Variants in SNTG1 observed in about 807,000 individuals in gnomAD.
The protein encoded by SNTG1 is gamma-1-syntrophin.
In SNTG1, 39 loss-of-function variants were observed where a neutral mutation model predicts 74.7. The ratio of observed to expected loss-of-function variants is 0.52; its 90% CI spans 0.40 to 0.68. The LOEUF is 0.68. Ranked by LOEUF, SNTG1 falls within the 30% of genes least tolerant of loss-of-function variation. The pLI is 0.00. For synonymous variants in SNTG1, 254 were observed against 217.1 expected, an observed-to-expected ratio of 1.17 and a Z score of -1.49; for missense variants, 685 against 609.5, an observed-to-expected ratio of 1.12 and a Z score of -1.30.
At chr8:50,780,836 C>T (rs928496091) in intron 18 of SNTG1, among the ~76,000 whole-genome samples, 2 of 152,132 alleles carry the variant, frequency 1.3e-5, no homozygotes, top group East Asian at 1.9e-4. Flanking sequence ...CTCTTGTGGG[C>T]ATTTAATGCT....
intron 13 of SNTG1, among the ~76,000 whole-genome samples, chr8:50,601,796 G>T (rs565912772): frequency 1.3e-5 from 2 of 151,932 alleles, no homozygotes; most frequent in East Asian, 3.9e-4. Flanking sequence ...TCTATATCTG[G>T]GTGCTTTGGT....
At chr8:50,767,960 G>A (rs2131771481) in intron 18 of SNTG1, among the ~76,000 whole-genome samples, 1 of 152,082 alleles carries the variant, frequency 6.6e-6, no homozygotes, top group East Asian at 1.9e-4. Context: ...AGTGTACACA[G>A]CATATTCGTC....
chr8:49,939,533 TCAAA>T (rs1384837551), intron 1 of SNTG1, among the ~76,000 whole-genome samples: 1 of 152,190 alleles, frequency 6.6e-6, no homozygotes, highest in Non-Finnish European at 1.5e-5. Flanking sequence ...ACTCCTGGGC[TCAAA>T]CAATCTTTTC....
chr8:50,035,951 C>A (rs1438887795), intron 1 of SNTG1, among the ~76,000 whole-genome samples: 10 of 150,878 alleles, frequency 6.6e-5, no homozygotes, highest in Admixed American at 6.6e-4. Flanking sequence ...GGGTTCATTT[C>A]TCAGATCATG....
chr8:50,176,959 T>A (rs2083021786), intron 2 of SNTG1, among the ~76,000 whole-genome samples: 1 of 152,158 alleles, frequency 6.6e-6, no homozygotes, highest in South Asian at 2.1e-4. Flanking sequence ...CATCTCCCCC[T>A]GTTCAGTCAA....
chr8:50,497,866 G>T (rs1022846391), intron 8 of SNTG1, among the ~76,000 whole-genome samples: 3 of 151,818 alleles, frequency 2.0e-5, no homozygotes, highest in African/African-American at 4.8e-5. Flanking sequence ...TCATATAATA[G>T]TATGTTTTCT....
At position 50,510,794 on chromosome 8, in the gene SNTG1, A is replaced by T. The variant is rs909411775; in HGVS notation, c.466+7914A>T. 9.3e-5 allele frequency among the ~76,000 whole-genome samples: 14 copies of T among 150,034 alleles called. 1 individual carries two copies. Among genetic ancestry groups the T allele is most frequent in the Non-Finnish European group, 1.5e-4 (10 of 67,530 alleles). The stretch of plus-strand genomic sequence containing the variant: ...TATCATTTTGTATTGCATCTATTTG[A>T]TTCTTCTCTCTTTTCTTCTTTATTA... On this transcript the variant is annotated intron_variant, in intron 9 of 18. Transcript: ENST00000642720.
intron 4 of SNTG1, among the ~76,000 whole-genome samples, chr8:50,415,278 T>C (rs1469115483): frequency 1.3e-5 from 2 of 152,136 alleles, no homozygotes; most frequent in Non-Finnish European, 2.9e-5. Flanking sequence ...GTTTATATTG[T>C]TTCTGCAGAA....
At chr8:50,527,814 G>C in intron 9 of SNTG1, among the ~76,000 whole-genome samples, 1 of 149,768 alleles carries the variant, frequency 6.7e-6, no homozygotes, top group Non-Finnish European at 1.5e-5. Context: ...ACAATTTGGA[G>C]ATTACCTTTT....
At chr8:50,658,231 G>A (rs772748357) in intron 14 of SNTG1, among the ~76,000 whole-genome samples, 2 of 148,954 alleles carry the variant, frequency 1.3e-5, no homozygotes, top group South Asian at 4.3e-4. Flanking sequence ...TTGAGGTCTG[G>A]TATTCTCTGT....
chr8:50,512,442 C>T (rs543328416), intron 9 of SNTG1, among the ~76,000 whole-genome samples: 2 of 152,218 alleles, frequency 1.3e-5, no homozygotes, highest in African/African-American at 2.4e-5. Flanking sequence ...CTCTGTATTT[C>T]CTGAATTTGA....
intron 1 of SNTG1, among the ~76,000 whole-genome samples, chr8:50,160,858 A>ATTTTT (rs1378527619): frequency 2.0e-5 from 3 of 152,252 alleles, no homozygotes; most frequent in Admixed American, 2.0e-4. Flanking sequence ...TGTAGAGAAT[A>ATTTTT]TTTTTTGAAG....
At chr8:50,083,093 TG>T (rs1376749191) in intron 1 of SNTG1, among the ~76,000 whole-genome samples, 1 of 152,212 alleles carries the variant, frequency 6.6e-6, no homozygotes, top group Non-Finnish European at 1.5e-5. Flanking sequence ...CCAACAGAAC[TG>T]AGGGAGTCCT....
rs369323276 is a variant in SNTG1, at chr8:50,353,973, C to T, written c.-27-40239C>T. Among the ~76,000 whole-genome samples the T allele has an allele frequency of 6.6e-5, 10 of 152,342 alleles. No homozygotes were observed. The South Asian group carries it at 1.7e-3, about 25-fold the overall frequency. ...GGACTAATTGATAGTTTGTACCTGG[C>T]TCTCAGGTGAGGAAGAGACATGAGC... On this transcript the variant is annotated intron_variant, in intron 2 of 18. Coordinates refer to ENST00000642720, the MANE Select transcript of SNTG1 (RefSeq NM_018967.5).
intron 13 of SNTG1, among the ~76,000 whole-genome samples, chr8:50,634,462 T>C (rs1585909102): frequency 6.6e-6 from 1 of 152,338 alleles, no homozygotes; most frequent in Admixed American, 6.5e-5. Context: ...CCTTGCTTTA[T>C]CTTATTAAGT....
At chr8:50,148,598 T>C (rs1431932450) in intron 1 of SNTG1, among the ~76,000 whole-genome samples, 2 of 152,178 alleles carry the variant, frequency 1.3e-5, no homozygotes, top group Non-Finnish European at 2.9e-5. Flanking sequence ...CCCCTTCCTG[T>C]GTCCAAGTGT....
At chr8:50,540,500 A>G (rs1055327413) in intron 11 of SNTG1, among the ~76,000 whole-genome samples, 10 of 152,118 alleles carry the variant, frequency 6.6e-5, no homozygotes, top group Non-Finnish European at 1.3e-4. Context: ...ACGTATTTCA[A>G]TTAGGTCATA....
chr8:50,039,070 G>T (rs142757344), intron 1 of SNTG1, among the ~76,000 whole-genome samples: 1 of 152,140 alleles, frequency 6.6e-6, no homozygotes, highest in Non-Finnish European at 1.5e-5. Flanking sequence ...AAATGGGGTC[G>T]TTTGCTTAAG....
chr8:50,675,746 A>T (rs535091333), intron 15 of SNTG1, among the ~76,000 whole-genome samples: 1 of 152,048 alleles, frequency 6.6e-6, no homozygotes, highest in Admixed American at 6.6e-5. Context: ...CAGTTTCTTC[A>T]TAGTGTCATT....
Sources: gnomAD v4.1 joint callset for allele counts (sites outside exome capture counted in the v4.1 genomes callset) on GRCh38, gnomAD v4.1.1 for gene constraint, MANE v1.5 for transcripts, NCBI Gene and HGNC (gene_info 2026-07-23, HGNC 2026-07-21) for gene names.